Variants in PARPBP observed in about 807,000 individuals in gnomAD.
PARPBP encodes the protein PCNA-interacting partner.
A neutral mutation model predicts 50.0 loss-of-function variants in PARPBP; 52 were observed. The ratio of observed to expected loss-of-function variants is 1.04; its 90% confidence interval spans 0.83 to 1.31. PARPBP has a LOEUF of 1.31. Among genes scored for constraint, PARPBP ranks in the 50% most tolerant of loss-of-function variants. The pLI is 0.00. For synonymous variants in PARPBP, 244 were observed against 232.1 expected (o/e 1.05, Z -0.47); for missense variants, 697 against 672.0 (o/e 1.04, Z -0.41).
At position 102,167,113 on chromosome 12, in the gene PARPBP, G is replaced by T. The variant is rs75747488; in HGVS notation, c.821+1230G>T. On this transcript the variant is annotated intron_variant, in intron 6 of 10. Coordinates refer to ENST00000327680, the MANE Select transcript of PARPBP (RefSeq NM_017915.5). ...ATCTTTGCTTTTGCTCGTTAGGCCTGTGTCAGAGTGGCAACCATGAACCTT... is the reference window on the plus strand; with the variant it reads ...ATCTTTGCTTTTGCTCGTTAGGCCTTTGTCAGAGTGGCAACCATGAACCTT... 4.1e-3 allele frequency among the ~76,000 whole-genome samples: 620 copies of T among 152,242 alleles called. 5 individuals carry two copies. Among genetic ancestry groups the T allele is most frequent in the African/African-American group, 0.013 (534 of 41,556 alleles).
intron 6 of PARPBP, among the ~76,000 whole-genome samples, chr12:102,171,730 G>A (rs533675879): frequency 7.2e-5 from 11 of 152,148 alleles, no homozygotes; most frequent in African/African-American, 2.6e-4. Context: ...GCCAGGTGTG[G>A]TGGTGGCGGG....
At chr12:102,176,428 C>A (rs1594600343) in intron 7 of PARPBP, among the ~76,000 whole-genome samples, 1 of 152,174 alleles carries the variant, frequency 6.6e-6, no homozygotes, top group East Asian at 1.9e-4. Flanking sequence ...GTTTACTTTT[C>A]TTTTATAAAT....
In PARPBP at chr12:102,148,358, T is replaced by A. The variant is rs1171353053; in HGVS notation, c.282T>A (p.Ile94=). The A allele has an allele frequency of 1.3e-6, 2 of 1,588,886 alleles. No homozygotes were observed. Among genetic ancestry groups the A allele is most frequent in the Non-Finnish European group, 1.7e-6 (2 of 1,157,412 alleles). The part of the protein sequence containing the change: ...VTDHYEDVRK[I]YDDFLKNSNM... ...ACCATTATGAGGACGTTAGGAAGAT[T>A]TATGATGATTTCTTGAAGAACAGTA... The change falls in exon 3 of 11, where the codon ATT becomes ATA. Residue 94 remains isoleucine (I), a synonymous_variant. Transcript: ENST00000327680.
chr12:102,149,404 C>T (rs908884929), intron 3 of PARPBP, among the ~76,000 whole-genome samples: 8 of 152,162 alleles, frequency 5.3e-5, no homozygotes, highest in Admixed American at 1.3e-4. Flanking sequence ...TCATTCTGCT[C>T]GCCCATTTTA....
Position 102,196,112 on chromosome 12 carries a change from C to T in PARPBP, c.1561C>T (p.Leu521Phe). The part of the protein sequence containing the change: ...KQVDLDGENI[L>F]CDNRNEPPQH... ...GGTGGATTTGGATGGTGAAAATATT[C>T]TCTGTGATAATAGAAATGAACCACC... is the stretch of plus-strand genomic sequence containing the variant. Residue 521 changes from leucine to phenylalanine, a missense_variant, in exon 11 of 11, where the codon CTC (leucine) becomes TTC (phenylalanine). By Grantham distance (22) the Leu-to-Phe change is conservative. Coordinates refer to ENST00000327680, the MANE Select transcript of PARPBP (RefSeq NM_017915.5). 1 of 1,611,822 alleles carries T rather than the reference C, an allele frequency of 6.2e-7. No individual in the cohort carries two copies.
chr12:102,151,993 G>T, intron 3 of PARPBP: 1 of 544,480 alleles, frequency 1.8e-6, no homozygotes, highest in Non-Finnish European at 3.3e-6. Flanking sequence ...CAAATACAGA[G>T]CTAGATTTTA....
chr12:102,120,544 C>CT (rs903549066), intron 1 of PARPBP: 2 of 455,434 alleles, frequency 4.4e-6, no homozygotes, highest in African/African-American at 4.0e-5. Flanking sequence ...TAGAGGCCTG[C>CT]TTAACTTCCA....
chr12:102,142,097 A>T (rs144556549), intron 2 of PARPBP, among the ~76,000 whole-genome samples: 1 of 151,942 alleles, frequency 6.6e-6, no homozygotes, highest in African/African-American at 2.4e-5. Context: ...ACTTGGTTCC[A>T]TTCTCCCCGT....
chr12:102,172,765 T>G (rs1888878431), intron 6 of PARPBP, among the ~76,000 whole-genome samples: 1 of 152,238 alleles, frequency 6.6e-6, no homozygotes, highest in Admixed American at 6.5e-5. Context: ...GCATTTTTTT[T>G]GTTCTTATAA....
intron 3 of PARPBP, among the ~76,000 whole-genome samples, chr12:102,150,994 A>G (rs1056961774): frequency 6.6e-6 from 1 of 152,168 alleles, no homozygotes. Context: ...AACTTCTATT[A>G]CTTGTAGAAC....
At chr12:102,184,845 C>T (rs1443122523) in intron 9 of PARPBP, among the ~76,000 whole-genome samples, 3 of 152,064 alleles carry the variant, frequency 2.0e-5, no homozygotes, top group African/African-American at 7.2e-5. Context: ...TACCAAAGTT[C>T]CTATGGAAAA....
chr12:102,170,041 C>T (rs554367341), intron 6 of PARPBP, among the ~76,000 whole-genome samples: 2 of 152,308 alleles, frequency 1.3e-5, no homozygotes, highest in South Asian at 2.1e-4. Flanking sequence ...GAACACTCAT[C>T]GCCCCACTGC....
At position 102,182,594 on chromosome 12, in the gene PARPBP, C is replaced by T; in HGVS notation, c.1230C>T (p.Arg410=). The T allele has an allele frequency of 6.2e-7, 1 of 1,611,650 alleles. No individual in the cohort carries two copies. The highest frequency in any genetic ancestry group is 8.5e-7 in the Non-Finnish European group (1 of 1,178,606). The change falls in exon 9 of 11, where the codon CGC becomes CGT. Residue 410 remains arginine (R), a synonymous_variant. Coordinates refer to ENST00000327680, the MANE Select transcript of PARPBP (RefSeq NM_017915.5). The stretch of plus-strand genomic sequence containing the variant: ...ATTCGATAAAACCCCTAAGAGAACG[C>T]ATCTGTGTGTCAATGCAAGAGAAAA... ...VNNSIKPLRE[R]ICVSMQEKKI...
At chr12:102,151,750 G>C (rs1351887883) in intron 3 of PARPBP, 2 of 1,535,674 alleles carry the variant, frequency 1.3e-6, no homozygotes, top group Non-Finnish European at 1.7e-6. Flanking sequence ...TCCCATCACG[G>C]TCCAGAAGAA....
chr12:102,131,028 T>A (rs1177686906), intron 2 of PARPBP, among the ~76,000 whole-genome samples: 1 of 151,994 alleles, frequency 6.6e-6, no homozygotes, highest in Non-Finnish European at 1.5e-5. Context: ...GCAGAATGGC[T>A]ATAATTAAAA....
chr12:102,157,433 CAGA>C (rs1301757179), intron 4 of PARPBP, among the ~76,000 whole-genome samples: 1 of 151,668 alleles, frequency 6.6e-6, no homozygotes. Flanking sequence ...TCTTTTACTC[CAGA>C]AGAATTCCCC....
At chr12:102,136,812 C>T (rs568022098) in intron 2 of PARPBP, among the ~76,000 whole-genome samples, 1 of 152,248 alleles carries the variant, frequency 6.6e-6, no homozygotes, top group South Asian at 2.1e-4. Flanking sequence ...ACCTATATGT[C>T]TGCGGGTGCA....
At chr12:102,137,601 C>T (rs1285632109) in intron 2 of PARPBP, among the ~76,000 whole-genome samples, 3 of 151,886 alleles carry the variant, frequency 2.0e-5, no homozygotes, top group African/African-American at 7.3e-5. Context: ...GTGTGCTGCA[C>T]CCATTAACTC....
intron 3 of PARPBP, among the ~76,000 whole-genome samples, chr12:102,153,609 G>A (rs1886504327): frequency 6.6e-6 from 1 of 152,214 alleles, no homozygotes; most frequent in Admixed American, 6.5e-5. Flanking sequence ...CACAAAGTGA[G>A]GATTACAGGT....
Sources: gnomAD v4.1 joint callset for allele counts (sites outside exome capture counted in the v4.1 genomes callset) on GRCh38, gnomAD v4.1.1 for gene constraint, MANE v1.5 for transcripts, NCBI Gene and HGNC (gene_info 2026-07-23, HGNC 2026-07-21) for gene names.